Variants in RBM47 observed in about 807,000 individuals in gnomAD.
RBM47 encodes RNA-binding protein 47.
RBM47 carries 21 observed loss-of-function variants against 47.1 expected under a neutral mutation model. The ratio of observed to expected loss-of-function variants is 0.45; its 90% CI spans 0.32 to 0.64. RBM47 has a LOEUF of 0.64. RBM47 is among the 30% of genes least tolerant of loss of function. RBM47 has a pLI of 0.05. For synonymous variants in RBM47, 375 were observed against 361.7 expected, an observed-to-expected ratio of 1.04 and a Z score of -0.42; for missense variants, 708 against 870.9, an observed-to-expected ratio of 0.81 and a Z score of 2.35.
At chr4:40,565,810 T>C (rs1307328176) in intron 1 of RBM47, among the ~76,000 whole-genome samples, 1 of 152,138 alleles carries the variant, frequency 6.6e-6, no homozygotes, top group Non-Finnish European at 1.5e-5. Context: ...CAGCAGCTCA[T>C]GCCTGTAATT....
intron 2 of RBM47, among the ~76,000 whole-genome samples, chr4:40,518,511 G>A (rs552133812): frequency 6.6e-6 from 1 of 152,094 alleles, no homozygotes; most frequent in Non-Finnish European, 1.5e-5. Flanking sequence ...CAATAATCAA[G>A]TATTTGATAT....
At chr4:40,557,524 G>A (rs970912839) in intron 1 of RBM47, among the ~76,000 whole-genome samples, 7 of 152,094 alleles carry the variant, frequency 4.6e-5, no homozygotes, top group Non-Finnish European at 8.8e-5. Flanking sequence ...TGAGGTGGGC[G>A]GATCAACTGA....
At chr4:40,501,804 C>G (rs1418456270) in intron 2 of RBM47, among the ~76,000 whole-genome samples, 1 of 152,178 alleles carries the variant, frequency 6.6e-6, no homozygotes, top group East Asian at 1.9e-4. Context: ...TTCCAATACA[C>G]TTTAATACAC....
intron 1 of RBM47, among the ~76,000 whole-genome samples, chr4:40,573,825 AAGAAAGAAAG>A (rs1383252684): frequency 6.6e-6 from 1 of 151,754 alleles, no homozygotes; most frequent in Admixed American, 6.6e-5. Flanking sequence ...GAAAGAAAGA[AAGAAAGAAAG>A]AGAAAGAAAG....
chr4:40,571,197 G>A lies in RBM47; in HGVS notation c.-239-26691C>T, dbSNP rs561682156. Among the ~76,000 whole-genome samples, 4 of 151,764 alleles carry A rather than the reference G, an allele frequency of 2.6e-5. No individual in the cohort carries two copies. In the South Asian group the frequency reaches 8.3e-4, roughly 32 times the overall value. On this transcript the variant is annotated intron_variant, in intron 1 of 6. Coordinates refer to ENST00000295971, the MANE Select transcript of RBM47 (RefSeq NM_001098634.2). The stretch of plus-strand genomic sequence containing the variant: ...CATCACTGCACTCCAGCCTGAGTGA[G>A]AGAGTGAGACTCCATCTCAAAAGAA...
chr4:40,466,073 G>C lies in RBM47; in HGVS notation c.-32+504C>G, dbSNP rs145010446. Among the ~76,000 whole-genome samples, 648 of 152,076 alleles carry C rather than the reference G, an allele frequency of 4.3e-3. 9 individuals carry two copies. Among genetic ancestry groups the C allele is most frequent in the African/African-American group, 0.015 (627 of 41,488 alleles). ...CTTGAGGCCAGCAGTTTGAGAACTA[G>C]CCTGGCCAAAATGGTAAAACCTTGT... On this transcript the variant is annotated intron_variant, in intron 3 of 6. Transcript: ENST00000295971.
intron 1 of RBM47, among the ~76,000 whole-genome samples, chr4:40,561,699 A>G (rs1311266729): frequency 6.6e-6 from 1 of 151,534 alleles, no homozygotes; most frequent in Non-Finnish European, 1.5e-5. Flanking sequence ...ACAGGCTTGC[A>G]CCACCATGCC....
rs1043418322 is a variant in RBM47 at position 40,593,755 on chromosome 4, G to A, written c.-240+35641C>T. The stretch of plus-strand genomic sequence containing the variant: ...CAAAATTAGCTGGGCGTGGTGGCGG[G>A]CACCTGTAGTCCCAGCTACTCGGGA... On this transcript the variant is annotated intron_variant, in intron 1 of 6. Coordinates refer to ENST00000295971, the MANE Select transcript of RBM47 (RefSeq NM_001098634.2). 2.0e-5 allele frequency among the ~76,000 whole-genome samples: 3 copies of A among 151,972 alleles called. No homozygotes were observed. In the East Asian group the frequency reaches 5.8e-4, roughly 29 times the overall value.
rs144407442 is a variant in RBM47, at chr4:40,449,528, C to G, written c.-31-10604G>C. Among the ~76,000 whole-genome samples the G allele has an allele frequency of 1.0e-3, 159 of 152,312 alleles. 1 individual carries two copies. Among genetic ancestry groups the G allele is most frequent in the Non-Finnish European group, 2.0e-3 (138 of 68,042 alleles). On this transcript the variant is annotated intron_variant, in intron 3 of 6. Transcript: ENST00000295971. ...TTTCCCAGACGTTTCTATCAACACA[C>G]ACCTGAGAATGCGGCCTTTTGCTGT...
chr4:40,571,339 G>T (rs1442735355), intron 1 of RBM47, among the ~76,000 whole-genome samples: 1 of 151,970 alleles, frequency 6.6e-6, no homozygotes, highest in Non-Finnish European at 1.5e-5. Context: ...GATAAAAGAG[G>T]TGTATCATAC....
At chr4:40,514,248 C>T (rs1446477537) in intron 2 of RBM47, among the ~76,000 whole-genome samples, 1 of 152,054 alleles carries the variant, frequency 6.6e-6, no homozygotes, top group Admixed American at 6.6e-5. Context: ...TCTGATTCAG[C>T]CCACTGTAAA....
chr4:40,519,997 C>A (rs1490356030), intron 2 of RBM47, among the ~76,000 whole-genome samples: 1 of 146,022 alleles, frequency 6.8e-6, no homozygotes, highest in African/African-American at 2.5e-5. Flanking sequence ...TAATTAAGAT[C>A]ATCTCTACTG....
chr4:40,535,371 C>CTTTTTTTTTTTTTTTTTTCTTTTTTT (rs1553897874), intron 2 of RBM47, among the ~76,000 whole-genome samples: 1 of 103,432 alleles, frequency 9.7e-6, no homozygotes, highest in African/African-American at 4.3e-5. Flanking sequence ...TATGGTATTT[C>CTTTTTTTTTTTTTTTTTTCTTTTTTT]TTTTTTTTTT....
chr4:40,432,197 TCTC>T (rs1202397205), intron 6 of RBM47, among the ~76,000 whole-genome samples: 8 of 141,690 alleles, frequency 5.6e-5, no homozygotes, highest in East Asian at 4.0e-4. Context: ...TCTCTCTCTC[TCTC>T]TTTACACACA....
intron 2 of RBM47, among the ~76,000 whole-genome samples, chr4:40,485,518 T>C (rs1325434848): frequency 2.0e-5 from 3 of 152,188 alleles, no homozygotes; most frequent in Non-Finnish European, 4.4e-5. Context: ...TCTCTGGCTT[T>C]AGTTTTATAG....
intron 1 of RBM47, among the ~76,000 whole-genome samples, chr4:40,545,987 T>C (rs1228783508): frequency 6.6e-6 from 1 of 152,180 alleles, no homozygotes; most frequent in Admixed American, 6.6e-5. Context: ...ATTATGTTCA[T>C]TTAAAATTCT....
chr4:40,459,546 A>G (rs1033844554), intron 3 of RBM47, among the ~76,000 whole-genome samples: 10 of 152,236 alleles, frequency 6.6e-5, no homozygotes, highest in Middle Eastern at 3.4e-3. Context: ...AGCCTGGGCA[A>G]CAGAGCAAGA....
intron 1 of RBM47, among the ~76,000 whole-genome samples, chr4:40,578,813 T>C (rs188376050): frequency 3.9e-5 from 6 of 152,186 alleles, no homozygotes; most frequent in Admixed American, 2.0e-4. Context: ...CTACACACAG[T>C]AGGTGCTCAA....
At chr4:40,532,558 G>A (rs796533758) in intron 2 of RBM47, among the ~76,000 whole-genome samples, 22 of 149,536 alleles carry the variant, frequency 1.5e-4, no homozygotes, top group African/African-American at 4.7e-4. Context: ...TGATCCACCC[G>A]CCTCAGCCTC....
Sources: gnomAD v4.1 joint callset for allele counts (sites outside exome capture counted in the v4.1 genomes callset) on GRCh38, gnomAD v4.1.1 for gene constraint, MANE v1.5 for transcripts, NCBI Gene and HGNC (gene_info 2026-07-23, HGNC 2026-07-21) for gene names.